The following DEFB106A variants were observed in gnomAD, a reference collection of about 807,000 sequenced individuals.
DEFB106A encodes beta-defensin 106.
For missense variants in DEFB106A, 4 were observed against 63.7 expected (o/e 0.06, Z 3.19); for synonymous variants, 1 against 22.5 (o/e 0.04, Z 2.70).
At chr8:7,827,310 A>T (rs1474152812) in intron 1 of DEFB106A, among the ~76,000 whole-genome samples, 1 of 120,634 alleles carries the variant, frequency 8.3e-6, no homozygotes, top group Non-Finnish European at 1.7e-5. Context: ...ATAATACACT[A>T]GTATATAGTA....
intron 1 of DEFB106A, among the ~76,000 whole-genome samples, chr8:7,826,620 A>C (rs1182079991): frequency 1.5e-4 from 22 of 145,200 alleles, no homozygotes; most frequent in Non-Finnish European, 2.9e-4. Context: ...TACTAGTATT[A>C]TATACTATAT....
At chr8:7,827,364 A>G (rs1817435745) in intron 1 of DEFB106A, among the ~76,000 whole-genome samples, 1 of 126,420 alleles carries the variant, frequency 7.9e-6, no homozygotes, top group Non-Finnish European at 1.7e-5. Context: ...AGTATAGTGT[A>G]TATACTAGTA....
intron 1 of DEFB106A, among the ~76,000 whole-genome samples, chr8:7,828,442 CA>C: frequency 9.5e-6 from 1 of 105,768 alleles, no homozygotes; most frequent in Middle Eastern, 4.7e-3. Flanking sequence ...CACCAAGTAG[CA>C]GCCTCTGAGA....
At chr8:7,826,451 TA>T (rs1817399774) in intron 1 of DEFB106A, among the ~76,000 whole-genome samples, 2 of 148,476 alleles carry the variant, frequency 1.3e-5, no homozygotes, top group African/African-American at 4.9e-5. Flanking sequence ...TAATGCTTGT[TA>T]TATAATTATT....
intron 1 of DEFB106A, among the ~76,000 whole-genome samples, chr8:7,825,488 TA>T (rs1273858010): frequency 6.3e-4 from 1 of 1,584 alleles, no homozygotes; most frequent in African/African-American, 6.5e-4. Context: ...GAGAAAAAAT[TA>T]AAAACAAGGA....
intron 1 of DEFB106A, among the ~76,000 whole-genome samples, chr8:7,826,308 T>C (rs1436779199): frequency 6.6e-6 from 1 of 150,602 alleles, no homozygotes; most frequent in African/African-American, 2.4e-5. Context: ...AGATCACTCA[T>C]ACTTATTATA....
rs1275448684 is a variant in DEFB106A, at chr8:7,827,376, AATAC to A, written c.50-1427_50-1424del. On this transcript the variant is annotated intron_variant, in intron 1 of 1. Coordinates refer to ENST00000335186, the MANE Select transcript of DEFB106A (RefSeq NM_152251.4). ...TATAGTATAGTGTATATACTAGTAT[AATAC>A]ACTAATATATAGTATAGTGTATATA... Among the ~76,000 whole-genome samples, 617 of 124,308 alleles carry A rather than the reference AATAC, an allele frequency of 5.0e-3. 4 individuals are homozygous for A. Among genetic ancestry groups the A allele is most frequent in the African/African-American group, 0.017 (578 of 33,780 alleles). The allele number at this position is 124,308 out of a possible 152,430, so 81.6% of individuals were successfully genotyped here. A position where few individuals can be genotyped will look rare whatever the true frequency, so the allele number is the denominator to read the frequency against.
chr8:7,827,054 TA>T, intron 1 of DEFB106A, among the ~76,000 whole-genome samples: 1 of 127,674 alleles, frequency 7.8e-6, no homozygotes, highest in East Asian at 2.3e-4. Flanking sequence ...AATACTCTAG[TA>T]TATAGTATAG....
chr8:7,827,574 G>C (rs1392144417), intron 1 of DEFB106A, among the ~76,000 whole-genome samples: 2 of 120,078 alleles, frequency 1.7e-5, no homozygotes, highest in East Asian at 5.2e-4. Context: ...CTAGTATATA[G>C]TATAGTATAC....
At chr8:7,826,650 T>TTATA (rs1335709451) in intron 1 of DEFB106A, among the ~76,000 whole-genome samples, 1 of 118,284 alleles carries the variant, frequency 8.5e-6, no homozygotes, top group Non-Finnish European at 1.8e-5. Context: ...CTAGTATATA[T>TTATA]TATATATATA....
At chr8:7,826,814 A>G (rs1288872312) in intron 1 of DEFB106A, among the ~76,000 whole-genome samples, 4 of 134,762 alleles carry the variant, frequency 3.0e-5, no homozygotes, top group Admixed American at 7.9e-5. Context: ...GATTACAGGC[A>G]TGTGCCACCT....
chr8:7,827,837 T>A (rs576329150), intron 1 of DEFB106A, among the ~76,000 whole-genome samples: 2 of 141,546 alleles, frequency 1.4e-5, no homozygotes, highest in African/African-American at 5.0e-5. Flanking sequence ...AGAGAGAACA[T>A]AGACCCCTGC....
intron 1 of DEFB106A, among the ~76,000 whole-genome samples, chr8:7,826,477 T>A (rs1245999070): frequency 1.3e-4 from 19 of 148,916 alleles, no homozygotes; most frequent in African/African-American, 2.7e-4. Context: ...AATCTAATAA[T>A]TACCTATTAG....
At chr8:7,827,808 A>G (rs1444269888) in intron 1 of DEFB106A, among the ~76,000 whole-genome samples, 2 of 141,648 alleles carry the variant, frequency 1.4e-5, no homozygotes, top group South Asian at 2.4e-4. Flanking sequence ...TTATATTAGT[A>G]TCTGCCTTAC....
chr8:7,828,294 A>G (rs1182257097), intron 1 of DEFB106A, among the ~76,000 whole-genome samples: 1 of 137,224 alleles, frequency 7.3e-6, no homozygotes, highest in Admixed American at 7.5e-5. Flanking sequence ...GCTTTGGTGA[A>G]TATGGAGGAG....
intron 1 of DEFB106A, among the ~76,000 whole-genome samples, chr8:7,826,577 ATAAT>A (rs1339201418): frequency 6.7e-6 from 1 of 148,472 alleles, no homozygotes; most frequent in Non-Finnish European, 1.5e-5. Context: ...AGTATATACT[ATAAT>A]TATTTACTGA....
chr8:7,826,668 ATAT>A (rs1450096290), intron 1 of DEFB106A, among the ~76,000 whole-genome samples: 31 of 80,166 alleles, frequency 3.9e-4, no homozygotes, highest in East Asian at 2.0e-3. Context: ...ATATATATAC[ATAT>A]TTTTTTTTTT....
chr8:7,826,686 T>TGA (rs1817408179), intron 1 of DEFB106A, among the ~76,000 whole-genome samples: 1 of 103,960 alleles, frequency 9.6e-6, no homozygotes, highest in Non-Finnish European at 2.1e-5. Flanking sequence ...TTTTTTTTTT[T>TGA]GAGATAGAGT....
chr8:7,827,587 G>C (rs1461975554), intron 1 of DEFB106A, among the ~76,000 whole-genome samples: 1 of 121,254 alleles, frequency 8.2e-6, no homozygotes, highest in South Asian at 3.2e-4. Flanking sequence ...TAGTATACTA[G>C]TATAATACAC....
Sources: allele counts gnomAD v4.1 joint callset (sites outside exome capture counted in the v4.1 genomes callset), GRCh38; gene constraint gnomAD v4.1.1; transcripts MANE v1.5; gene names NCBI Gene and HGNC (gene_info 2026-07-23, HGNC 2026-07-21).